The following ZNF385B variants were observed in gnomAD, a reference collection of about 807,000 sequenced individuals.
The protein encoded by ZNF385B is zinc finger protein 533.
A neutral mutation model predicts 39.2 loss-of-function variants in ZNF385B; 23 were observed. That is an observed-to-expected ratio of 0.59 (90% confidence interval 0.42 to 0.83). The LOEUF (loss-of-function observed/expected upper bound fraction) is 0.83, where lower values mean the gene tolerates loss of function less well. Ranked by LOEUF, ZNF385B falls within the 40% of genes least tolerant of loss-of-function variation. ZNF385B has a pLI of 0.00. For synonymous variants in ZNF385B, 205 were observed against 222.6 expected, an observed-to-expected ratio of 0.92 and a Z score of 0.70; for missense variants, 552 against 598.9, an observed-to-expected ratio of 0.92 and a Z score of 0.82.
intron 1 of ZNF385B, among the ~76,000 whole-genome samples, chr2:179,774,113 A>T (rs1451519620): frequency 6.6e-6 from 1 of 150,386 alleles, no homozygotes; most frequent in African/African-American, 2.4e-5. Flanking sequence ...TGTGTGTGAT[A>T]TGTGTGTGGT....
At chr2:179,451,271 G>C (rs1186385335) in intron 6 of ZNF385B, among the ~76,000 whole-genome samples, 1 of 144,760 alleles carries the variant, frequency 6.9e-6, no homozygotes, top group Non-Finnish European at 1.5e-5. Flanking sequence ...AAAAAAGAAA[G>C]AAAATGAGTG....
chr2:179,693,922 G>T (rs1278029246), intron 3 of ZNF385B, among the ~76,000 whole-genome samples: 1 of 152,160 alleles, frequency 6.6e-6, no homozygotes, highest in African/African-American at 2.4e-5. Flanking sequence ...ACTCAAGTTT[G>T]CAGAATCAAA....
intron 1 of ZNF385B, among the ~76,000 whole-genome samples, chr2:179,853,022 T>G (rs1684305719): frequency 1.3e-5 from 2 of 152,212 alleles, no homozygotes; most frequent in Non-Finnish European, 2.9e-5. Flanking sequence ...GATTGACCCT[T>G]AAGAACCATA....
chr2:179,449,288 T>G (rs2105566680), intron 6 of ZNF385B, among the ~76,000 whole-genome samples: 1 of 152,192 alleles, frequency 6.6e-6, no homozygotes, highest in South Asian at 2.1e-4. Context: ...AGAAGTGACA[T>G]TTTTAAGGTT....
intron 3 of ZNF385B, among the ~76,000 whole-genome samples, chr2:179,745,339 T>C (rs191199958): frequency 1.1e-3 from 169 of 152,304 alleles, no homozygotes; most frequent in African/African-American, 3.9e-3. Flanking sequence ...ATTTTGTTTA[T>C]AGCCTTTTTA....
rs190497018 is a variant in ZNF385B at position 179,757,837 on chromosome 2, C to T, written c.298+11666G>A. On this transcript the variant is annotated intron_variant, in intron 3 of 9. Coordinates refer to ENST00000410066, the MANE Select transcript of ZNF385B (RefSeq NM_152520.6). ...AGCACAGTATTAGGGTGGGAGTGAC[C>T]CAATTTTCCAGGTGCCATCTGTCAC... Among the ~76,000 whole-genome samples, 139 of 152,176 alleles carry T rather than the reference C, an allele frequency of 9.1e-4. 2 individuals are homozygous for T. The highest frequency in any genetic ancestry group is 1.0e-4 in the Non-Finnish European group (7 of 68,026).
intron 3 of ZNF385B, among the ~76,000 whole-genome samples, chr2:179,586,623 A>C (rs1322478835): frequency 6.6e-6 from 1 of 152,244 alleles, no homozygotes; most frequent in African/African-American, 2.4e-5. Context: ...CCCAGGGCCC[A>C]GCTCTGTAGG....
chr2:179,584,170 C>T (rs974590116), intron 3 of ZNF385B: 4 of 380,578 alleles, frequency 1.1e-5, no homozygotes, highest in Non-Finnish European at 2.1e-5. Flanking sequence ...TTGTGGGGTG[C>T]TATGCACTGT....
At chr2:179,555,362 C>A (rs1559468837) in intron 3 of ZNF385B, among the ~76,000 whole-genome samples, 1 of 149,168 alleles carries the variant, frequency 6.7e-6, no homozygotes, top group Non-Finnish European at 1.5e-5. Flanking sequence ...TAAAACAGGG[C>A]ATTCAGAGTG....
chr2:179,558,380 G>A (rs1478653232), intron 3 of ZNF385B, among the ~76,000 whole-genome samples: 1 of 152,092 alleles, frequency 6.6e-6, no homozygotes, highest in African/African-American at 2.4e-5. Flanking sequence ...AGAAACAAAA[G>A]GAGGGAAAAG....
At position 179,445,413 on chromosome 2, in the gene ZNF385B, A is replaced by G. The variant is rs2049371995; in HGVS notation, c.1140+137T>C. 8.2e-6 allele frequency: 6 copies of G among 730,146 alleles called. No homozygotes were observed. In the Admixed American group the frequency reaches 9.2e-5, roughly 11 times the overall value. The allele number at this position is 730,146 out of a possible 1,614,324, so 45.2% of individuals were successfully genotyped here. ...CTTTTTCTTCCATGTTAGCACCTAT[A>G]TGTTGCATATTGTCTGCATCCTACA... On this transcript the variant is annotated intron_variant, in intron 8 of 9. Coordinates refer to ENST00000410066, the MANE Select transcript of ZNF385B (RefSeq NM_152520.6).
intron 3 of ZNF385B, among the ~76,000 whole-genome samples, chr2:179,744,024 C>T (rs1227056323): frequency 6.6e-6 from 1 of 152,040 alleles, no homozygotes; most frequent in Non-Finnish European, 1.5e-5. Flanking sequence ...CATTACCAGG[C>T]AAGCAGATAA....
At chr2:179,507,006 A>T (rs1287881949) in intron 5 of ZNF385B, among the ~76,000 whole-genome samples, 1 of 152,208 alleles carries the variant, frequency 6.6e-6, no homozygotes, top group Admixed American at 6.5e-5. Flanking sequence ...CTTGTCATTG[A>T]CATGTTTTCT....
chr2:179,641,268 A>C (rs1455937566), intron 3 of ZNF385B, among the ~76,000 whole-genome samples: 5 of 152,058 alleles, frequency 3.3e-5, no homozygotes, highest in African/African-American at 9.7e-5. Context: ...CGACATTCTA[A>C]TCTTTTTAAT....
intron 3 of ZNF385B, among the ~76,000 whole-genome samples, chr2:179,680,878 G>C (rs1030415793): frequency 6.6e-6 from 1 of 152,042 alleles, no homozygotes; most frequent in Admixed American, 6.6e-5. Context: ...GAGATAAGAA[G>C]CACTGAAAAT....
intron 3 of ZNF385B, among the ~76,000 whole-genome samples, chr2:179,647,510 C>T (rs529818159): frequency 6.6e-6 from 1 of 152,156 alleles, no homozygotes; most frequent in South Asian, 2.1e-4. Flanking sequence ...TAAGAAGTGA[C>T]AAAAGAGGAC....
chr2:179,748,320 T>A (rs1255009388), intron 3 of ZNF385B, among the ~76,000 whole-genome samples: 1 of 152,132 alleles, frequency 6.6e-6, no homozygotes, highest in African/African-American at 2.4e-5. Context: ...ATTGATCACC[T>A]AAACTCTATA....
At chr2:179,463,645 T>A (rs942363060) in intron 6 of ZNF385B, among the ~76,000 whole-genome samples, 5 of 152,212 alleles carry the variant, frequency 3.3e-5, no homozygotes, top group African/African-American at 1.2e-4. Flanking sequence ...AGAATGATGG[T>A]TTCCAGCTTC....
chr2:179,696,722 A>T (rs949152384), intron 3 of ZNF385B, among the ~76,000 whole-genome samples: 1 of 152,152 alleles, frequency 6.6e-6, no homozygotes, highest in African/African-American at 2.4e-5. Flanking sequence ...TTTGCATTTA[A>T]AAAAACTATA....
Sources: gnomAD v4.1 joint callset for allele counts (sites outside exome capture counted in the v4.1 genomes callset) on GRCh38, gnomAD v4.1.1 for gene constraint, MANE v1.5 for transcripts, NCBI Gene and HGNC (gene_info 2026-07-23, HGNC 2026-07-21) for gene names.